CACNA2D3: variants seen among roughly 807,000 people sequenced by gnomAD.
CACNA2D3 encodes the protein calcium voltage-gated channel auxiliary subunit alpha2delta 3.
In CACNA2D3, 60 loss-of-function variants were observed where a neutral mutation model predicts 160.6. The observed-to-expected ratio is 0.37, with a 90% CI of 0.30 to 0.46. The LOEUF is 0.46. Ranked by LOEUF, CACNA2D3 falls within the 20% of genes least tolerant of loss-of-function variation. CACNA2D3 has a pLI of 1.00. For missense variants in CACNA2D3, 1,205 were observed against 1,365.0 expected (o/e 0.88, Z 1.85); for synonymous variants, 558 against 492.9 (o/e 1.13, Z -1.75).
chr3:54,531,968 G>C (rs370388179), intron 5 of CACNA2D3, among the ~76,000 whole-genome samples: 1 of 152,142 alleles, frequency 6.6e-6, no homozygotes, highest in East Asian at 1.9e-4. Context: ...CTTGGCAGCC[G>C]GTGTCTTGCC....
intron 5 of CACNA2D3, among the ~76,000 whole-genome samples, chr3:54,506,711 T>C (rs1309558903): frequency 6.6e-6 from 1 of 152,194 alleles, no homozygotes; most frequent in African/African-American, 2.4e-5. Context: ...GCAGCAGCTT[T>C]TTTCATGAAA....
At chr3:54,298,944 T>TAAAAAAAAAA (rs59100168) in intron 2 of CACNA2D3, among the ~76,000 whole-genome samples, 1 of 99,332 alleles carries the variant, frequency 1.0e-5, no homozygotes, top group South Asian at 3.2e-4. Flanking sequence ...CTCTGTTTCT[T>TAAAAAAAAAA]AAAAAAAAAA....
At chr3:54,272,068 G>A (rs1023364393) in intron 2 of CACNA2D3, among the ~76,000 whole-genome samples, 4 of 152,038 alleles carry the variant, frequency 2.6e-5, no homozygotes, top group African/African-American at 9.7e-5. Flanking sequence ...AGTTTCTTGA[G>A]TGTCTCTTAA....
At chr3:54,974,998 T>C (rs1230013302) in intron 29 of CACNA2D3, among the ~76,000 whole-genome samples, 1 of 152,158 alleles carries the variant, frequency 6.6e-6, no homozygotes, top group Non-Finnish European at 1.5e-5. Flanking sequence ...TAAAGTGATA[T>C]GGAAAAAACA....
chr3:54,693,468 A>G (rs1700604323), intron 11 of CACNA2D3, among the ~76,000 whole-genome samples: 1 of 152,236 alleles, frequency 6.6e-6, no homozygotes, highest in Non-Finnish European at 1.5e-5. Context: ...AATTATGTAC[A>G]GTACAAAATA....
intron 4 of CACNA2D3, among the ~76,000 whole-genome samples, chr3:54,450,294 GC>G (rs1700284517): frequency 6.6e-6 from 1 of 152,182 alleles, no homozygotes. Flanking sequence ...ACACAATTTA[GC>G]CTACAACATA....
chr3:54,926,756 G>A (rs1035801620), intron 27 of CACNA2D3, among the ~76,000 whole-genome samples: 1 of 152,082 alleles, frequency 6.6e-6, no homozygotes, highest in Admixed American at 6.6e-5. Flanking sequence ...CTCTTATGAG[G>A]GGTAGTTGAA....
Position 54,747,003 on chromosome 3 carries a change from T to G in CACNA2D3, c.1168-5596T>G, listed in dbSNP as rs550365666. 1.7e-4 allele frequency among the ~76,000 whole-genome samples: 25 copies of G among 148,132 alleles called. No homozygotes were observed. In the South Asian group the frequency reaches 5.2e-3, roughly 31 times the overall value. ...ATGTCATTTTGATCCAGCTTCTCTA[T>G]TTTTTTAACCACCCACTGGATTGTA... is the stretch of plus-strand genomic sequence containing the variant. On this transcript the variant is annotated intron_variant, in intron 11 of 37. Coordinates refer to ENST00000474759, the MANE Select transcript of CACNA2D3 (RefSeq NM_018398.3).
rs572429184 is a variant in CACNA2D3, at chr3:54,335,781, G to A, written c.321+15223G>A. Among the ~76,000 whole-genome samples, 4 of 152,004 alleles carry A rather than the reference G, an allele frequency of 2.6e-5. No homozygotes were observed. The East Asian group carries it at 5.8e-4, about 22-fold the overall frequency. The stretch of plus-strand genomic sequence containing the variant: ...GCACTTTTGGGAGGCTGAGGCGGGC[G>A]GATCATGAGGTCAGGAGATCTAGAC... On this transcript the variant is annotated intron_variant, in intron 3 of 37. Transcript: ENST00000474759.
In CACNA2D3 at chr3:54,160,277, T is replaced by G. The variant is rs140641033; in HGVS notation, c.204+36683T>G. ...ACTTTGGGAGGCCAAGGTGGGTGGA[T>G]CACCTGAGGGCAGGAGTTCGAGACC... On this transcript the variant is annotated intron_variant, in intron 2 of 37. Transcript: ENST00000474759. Among the ~76,000 whole-genome samples the G allele has an allele frequency of 0.014, 2,174 of 152,302 alleles. 122 individuals are homozygous for G. The East Asian group carries it at 0.21, about 14-fold the overall frequency.
At chr3:54,639,011 GGT>G (rs1699443345) in intron 10 of CACNA2D3, 1 of 152,162 alleles carries the variant, frequency 6.6e-6, no homozygotes, top group African/African-American at 2.4e-5. Context: ...AAGGGGTGGG[GGT>G]TTCTTCCCCT....
chr3:54,766,011 G>A (rs1226063676), intron 13 of CACNA2D3, among the ~76,000 whole-genome samples: 4 of 152,060 alleles, frequency 2.6e-5, no homozygotes, highest in African/African-American at 9.7e-5. Flanking sequence ...ACCATTACAA[G>A]CAGTAGAAGA....
At chr3:54,675,819 C>T (rs1385094965) in intron 11 of CACNA2D3, among the ~76,000 whole-genome samples, 2 of 152,188 alleles carry the variant, frequency 1.3e-5, no homozygotes, top group South Asian at 4.1e-4. Context: ...AGACCTACAA[C>T]AGGCAGGCCT....
Position 54,562,912 on chromosome 3 carries a change from C to T in CACNA2D3, c.657C>T (p.Gly219=), listed in dbSNP as rs763389559. The T allele has an allele frequency of 1.3e-5, 21 of 1,613,540 alleles. No individual in the cohort carries two copies. The highest frequency in any genetic ancestry group is 1.7e-5 in the Non-Finnish European group (20 of 1,179,640). The change falls in exon 6 of 38, where the codon GGC becomes GGT. Residue 219 remains glycine (G), a synonymous_variant. Coordinates refer to ENST00000474759, the MANE Select transcript of CACNA2D3 (RefSeq NM_018398.3). ...LIWQYFGSAK[G]FFRQYPGIKW... ...GGCAGTACTTTGGAAGTGCAAAGGG[C>T]TTTTTTAGGCAGTATCCGGGTGAGT...
intron 4 of CACNA2D3, among the ~76,000 whole-genome samples, chr3:54,494,097 C>T (rs1020732106): frequency 2.0e-5 from 3 of 152,204 alleles, no homozygotes; most frequent in Non-Finnish European, 4.4e-5. Flanking sequence ...GCTCCCATCA[C>T]ACTTAGTAGG....
intron 17 of CACNA2D3, among the ~76,000 whole-genome samples, chr3:54,851,292 G>A (rs182269573): frequency 6.6e-6 from 1 of 152,310 alleles, no homozygotes; most frequent in East Asian, 1.9e-4. Context: ...AGGTCCAGGT[G>A]GAAGATACAT....
At position 54,699,779 on chromosome 3, in the gene CACNA2D3, C is replaced by T. The variant is rs1047319502; in HGVS notation, c.1168-52820C>T. Among the ~76,000 whole-genome samples the T allele has an allele frequency of 2.6e-5, 4 of 152,024 alleles. No homozygotes were observed. The East Asian group carries it at 5.8e-4, about 22-fold the overall frequency. On this transcript the variant is annotated intron_variant, in intron 11 of 37. Coordinates refer to ENST00000474759, the MANE Select transcript of CACNA2D3 (RefSeq NM_018398.3). The stretch of plus-strand genomic sequence containing the variant: ...GTAATATTGACTTCATCCTGGCTGC[C>T]GTGAGATTAAATGGAAAGTACTTAA...
intron 2 of CACNA2D3, among the ~76,000 whole-genome samples, chr3:54,238,332 TAAG>T (rs978037298): frequency 1.4e-4 from 21 of 152,318 alleles, no homozygotes; most frequent in African/African-American, 5.1e-4. Context: ...CTGTGCATAT[TAAG>T]GAGGCAGAAG....
intron 2 of CACNA2D3, among the ~76,000 whole-genome samples, chr3:54,210,332 C>T (rs937197437): frequency 3.9e-5 from 6 of 152,108 alleles, no homozygotes; most frequent in African/African-American, 1.4e-4. Flanking sequence ...TAAGTTTAAT[C>T]AAACAGTTCT....
Sources: gnomAD v4.1 joint callset for allele counts (sites outside exome capture counted in the v4.1 genomes callset) on GRCh38, gnomAD v4.1.1 for gene constraint, MANE v1.5 for transcripts, NCBI Gene and HGNC (gene_info 2026-07-23, HGNC 2026-07-21) for gene names.